NALF1: variants seen among roughly 807,000 people sequenced by gnomAD.
NALF1 encodes family with sequence similarity 155 member A.
A neutral mutation model predicts 48.4 loss-of-function variants in NALF1; 3 were observed. That is an observed-to-expected ratio of 0.06 (90% CI 0.03 to 0.16). The LOEUF (loss-of-function observed/expected upper bound fraction) is 0.16. Among genes scored for constraint, NALF1 ranks in the 10% least tolerant of loss-of-function variants. The pLI, the probability that NALF1 is intolerant of heterozygous loss-of-function variation, is 1.00. For missense variants in NALF1, 526 were observed against 571.5 expected, an observed-to-expected ratio of 0.92 and a Z score of 0.81; for synonymous variants, 262 against 245.7, an observed-to-expected ratio of 1.07 and a Z score of -0.62.
intron 1 of NALF1, among the ~76,000 whole-genome samples, chr13:107,703,593 T>G (rs547012191): frequency 3.1e-4 from 47 of 152,258 alleles, no homozygotes; most frequent in African/African-American, 1.1e-3. Flanking sequence ...GAACTCGTGA[T>G]CCGCCCACCT....
At chr13:107,264,197 A>C (rs1017770227) in intron 1 of NALF1, among the ~76,000 whole-genome samples, 2 of 152,238 alleles carry the variant, frequency 1.3e-5, no homozygotes, top group African/African-American at 4.8e-5. Context: ...GTGGCAAATT[A>C]AATTTTTTAT....
chr13:107,261,123 G>A (rs1880919991), intron 1 of NALF1, among the ~76,000 whole-genome samples: 1 of 152,184 alleles, frequency 6.6e-6, no homozygotes, highest in Non-Finnish European at 1.5e-5. Context: ...ACCTATCTGA[G>A]CTAATTCATG....
intron 1 of NALF1, among the ~76,000 whole-genome samples, chr13:107,320,430 G>T (rs1594118875): frequency 6.6e-6 from 1 of 151,940 alleles, no homozygotes; most frequent in Non-Finnish European, 1.5e-5. Context: ...AACTTCAAAC[G>T]GACTTCTTCC....
chr13:107,685,863 G>C (rs1015872128), intron 1 of NALF1, among the ~76,000 whole-genome samples: 2 of 152,184 alleles, frequency 1.3e-5, no homozygotes, highest in Non-Finnish European at 2.9e-5. Flanking sequence ...GAGTCTCTAC[G>C]GACTCTGTTC....
chr13:107,347,625 C>T (rs79170441), intron 1 of NALF1, among the ~76,000 whole-genome samples: 1,997 of 152,246 alleles, frequency 0.013, 35 homozygotes, highest in African/African-American at 0.046. Context: ...AACTGTGAAT[C>T]GATGATCCTA....
chr13:107,458,100 TTCTC>T (rs1275958399), intron 1 of NALF1, among the ~76,000 whole-genome samples: 1 of 152,322 alleles, frequency 6.6e-6, no homozygotes, highest in South Asian at 2.1e-4. Context: ...TATTCATTTG[TTCTC>T]TCTTTCAAAA....
intron 1 of NALF1, among the ~76,000 whole-genome samples, chr13:107,365,646 A>G (rs1883139840): frequency 6.6e-6 from 1 of 152,234 alleles, no homozygotes; most frequent in African/African-American, 2.4e-5. Flanking sequence ...GACCTCTTGC[A>G]GAGACATTTT....
intron 1 of NALF1, among the ~76,000 whole-genome samples, chr13:107,791,753 C>T (rs978932446): frequency 1.3e-4 from 20 of 150,492 alleles, no homozygotes; most frequent in African/African-American, 4.4e-4. Flanking sequence ...GAGTTCCAGA[C>T]CAGCCTGGCC....
chr13:107,173,359 C>T (rs1023743713), intron 2 of NALF1, among the ~76,000 whole-genome samples: 1 of 152,196 alleles, frequency 6.6e-6, no homozygotes, highest in African/African-American at 2.4e-5. Context: ...ATAAGGATGA[C>T]ATAAATGTAA....
At chr13:107,796,642 G>T (rs1878432746) in intron 1 of NALF1, among the ~76,000 whole-genome samples, 1 of 152,064 alleles carries the variant, frequency 6.6e-6, no homozygotes, top group African/African-American at 2.4e-5. Flanking sequence ...CTGCATGTTG[G>T]TGTTACTTCT....
At chr13:107,360,860 C>T (rs529041944) in intron 1 of NALF1, among the ~76,000 whole-genome samples, 79 of 152,022 alleles carry the variant, frequency 5.2e-4, no homozygotes, top group African/African-American at 1.9e-3. Flanking sequence ...TCCCTCCTCC[C>T]TCTCTCTCTT....
chr13:107,862,058 G>A (rs1192660468), intron 1 of NALF1, among the ~76,000 whole-genome samples: 1 of 152,042 alleles, frequency 6.6e-6, no homozygotes, highest in Non-Finnish European at 1.5e-5. Flanking sequence ...ATTCTTGAGA[G>A]AACAAAAATT....
chr13:107,656,342 G>A (rs895491468), intron 1 of NALF1, among the ~76,000 whole-genome samples: 2 of 151,942 alleles, frequency 1.3e-5, no homozygotes, highest in African/African-American at 4.8e-5. Flanking sequence ...CAAAAAGTGA[G>A]CTAAGAACAT....
At chr13:107,846,101 T>C (rs1030821282) in intron 1 of NALF1, among the ~76,000 whole-genome samples, 2 of 152,172 alleles carry the variant, frequency 1.3e-5, no homozygotes, top group East Asian at 3.9e-4. Context: ...TCACTGCTTG[T>C]CACACATTCC....
At chr13:107,508,846 A>C (rs895689652) in intron 1 of NALF1, among the ~76,000 whole-genome samples, 4 of 152,150 alleles carry the variant, frequency 2.6e-5, no homozygotes, top group Non-Finnish European at 4.4e-5. Context: ...CTTATTAAAA[A>C]AAAAACAAAA....
chr13:107,585,237 G>T (rs1470472676), intron 1 of NALF1, among the ~76,000 whole-genome samples: 1 of 151,650 alleles, frequency 6.6e-6, no homozygotes, highest in Non-Finnish European at 1.5e-5. Context: ...CCTGAAAATA[G>T]ATACAGATAA....
intron 1 of NALF1, among the ~76,000 whole-genome samples, chr13:107,680,506 G>A (rs1881263712): frequency 6.6e-6 from 1 of 151,898 alleles, no homozygotes; most frequent in Admixed American, 6.6e-5. Context: ...GCATGTGTAT[G>A]CACGAGTGAG....
At chr13:107,446,227 G>A (rs1884648342) in intron 1 of NALF1, among the ~76,000 whole-genome samples, 1 of 152,144 alleles carries the variant, frequency 6.6e-6, no homozygotes, top group Admixed American at 6.5e-5. Flanking sequence ...GTGAGCCACT[G>A]CGCCCGGCTC....
chr13:107,547,393 TAA>T (rs1294461973), intron 1 of NALF1, among the ~76,000 whole-genome samples: 1 of 152,228 alleles, frequency 6.6e-6, no homozygotes, highest in African/African-American at 2.4e-5. Context: ...CTTTGGAACT[TAA>T]GAGTCTATAA....
Sources: allele counts gnomAD v4.1 joint callset (sites outside exome capture counted in the v4.1 genomes callset), GRCh38; gene constraint gnomAD v4.1.1; transcripts MANE v1.5; gene names NCBI Gene and HGNC (gene_info 2026-07-23, HGNC 2026-07-21).